Variants in RGS7 observed in about 807,000 individuals in gnomAD.
The protein encoded by RGS7 is regulator of G protein signaling 7, also known as regulator of G-protein signaling 7.
In RGS7, 27 loss-of-function variants were observed where a neutral mutation model predicts 81.1. The ratio of observed to expected loss-of-function variants is 0.33; its 90% CI spans 0.25 to 0.46. The LOEUF is 0.46. Ranked by LOEUF, RGS7 falls within the 20% of genes least tolerant of loss-of-function variation. The pLI is 1.00. For synonymous variants in RGS7, 208 were observed against 207.7 expected (o/e 1.00, Z -0.01); for missense variants, 396 against 607.4 (o/e 0.65, Z 3.66).
intron 3 of RGS7, among the ~76,000 whole-genome samples, chr1:241,055,600 G>A (rs1045838018): frequency 2.0e-5 from 3 of 152,178 alleles, no homozygotes; most frequent in African/African-American, 4.8e-5. Flanking sequence ...GAGACAGGCA[G>A]GAAGGGGCAT....
At chr1:241,312,696 CACA>C (rs1375926325) in intron 2 of RGS7, among the ~76,000 whole-genome samples, 2 of 152,102 alleles carry the variant, frequency 1.3e-5, no homozygotes, top group African/African-American at 2.4e-5. Flanking sequence ...TTCCCTGAGA[CACA>C]ACAACATTAA....
Position 241,325,414 on chromosome 1 carries a change from A to G in RGS7, c.78+30285T>C, listed in dbSNP as rs1423949584. The stretch of plus-strand genomic sequence containing the variant: ...ATCTGCAGTTTGGCTCTCCACAGTT[A>G]CTCACGCTAAGCTATAAACATAAAA... On this transcript the variant is annotated intron_variant, in intron 2 of 18. Coordinates refer to ENST00000440928, the MANE Select transcript of RGS7 (RefSeq NM_001364886.1). Among the ~76,000 whole-genome samples the G allele has an allele frequency of 2.0e-5, 3 of 152,172 alleles. No homozygotes were observed. The East Asian group carries it at 5.8e-4, about 29-fold the overall frequency.
intron 2 of RGS7, among the ~76,000 whole-genome samples, chr1:241,347,243 A>T (rs989832177): frequency 6.6e-6 from 1 of 152,144 alleles, no homozygotes; most frequent in Non-Finnish European, 1.5e-5. Flanking sequence ...GCAGAGGAAG[A>T]CTTGGTCAGG....
intron 9 of RGS7, among the ~76,000 whole-genome samples, chr1:240,857,164 T>G (rs1218479193): frequency 6.6e-6 from 1 of 152,226 alleles, no homozygotes; most frequent in Non-Finnish European, 1.5e-5. Flanking sequence ...TATACTCTCC[T>G]ATGATGTGCC....
Position 241,129,232 on chromosome 1 carries a change from T to A in RGS7, c.79-30470A>T, listed in dbSNP as rs375132722. Among the ~76,000 whole-genome samples the A allele has an allele frequency of 1.4e-4, 21 of 150,882 alleles. No individual in the cohort carries two copies. The East Asian group carries it at 3.3e-3, about 24-fold the overall frequency. On this transcript the variant is annotated intron_variant, in intron 2 of 18. Transcript: ENST00000440928. ...GACCTTGCGTGTTTAAGTGTACCACTGAGGGGATATTGGCTACTAGAAACA... is the reference window on the plus strand; with the variant it reads ...GACCTTGCGTGTTTAAGTGTACCACAGAGGGGATATTGGCTACTAGAAACA...
intron 3 of RGS7, among the ~76,000 whole-genome samples, chr1:241,091,801 T>G (rs190757746): frequency 2.6e-5 from 4 of 151,966 alleles, no homozygotes; most frequent in African/African-American, 9.7e-5. Flanking sequence ...GCAGGAAGAT[T>G]GCTTGAGCCC....
At chr1:241,327,491 C>T (rs1246978779) in intron 2 of RGS7, among the ~76,000 whole-genome samples, 1 of 152,088 alleles carries the variant, frequency 6.6e-6, no homozygotes, top group Non-Finnish European at 1.5e-5. Context: ...CATAATTCAA[C>T]CAAGTATAGG....
intron 2 of RGS7, among the ~76,000 whole-genome samples, chr1:241,318,295 A>G (rs1183724240): frequency 6.6e-6 from 1 of 152,256 alleles, no homozygotes; most frequent in Non-Finnish European, 1.5e-5. Flanking sequence ...CACATTAAAT[A>G]TAAAATGAGA....
rs79252248 is a variant in RGS7, at chr1:241,156,169, G to C, written c.79-57407C>G. Among the ~76,000 whole-genome samples, 788 of 142,848 alleles carry C rather than the reference G, an allele frequency of 5.5e-3. 8 individuals are homozygous for C. The highest frequency in any genetic ancestry group is 0.018 in the African/African-American group (715 of 39,968). The allele number at this position is 142,848 out of a possible 152,430, so 93.7% of individuals were successfully genotyped here. A position where few individuals can be genotyped will look rare whatever the true frequency, so the allele number is the denominator to read the frequency against. ...AGATAGATAGATAGATAGATAGATA[G>C]ATACATATACATAGACAGACAGACA... On this transcript the variant is annotated intron_variant, in intron 2 of 18. Transcript: ENST00000440928.
In RGS7 at chr1:240,793,498, G is replaced by A. The variant is rs1032959149; in HGVS notation, c.*6+7143C>T. Among the ~76,000 whole-genome samples, 8 of 150,200 alleles carry A rather than the reference G, an allele frequency of 5.3e-5. 1 individual carries two copies. The highest frequency in any genetic ancestry group is 1.2e-4 in the Non-Finnish European group (8 of 67,892). On this transcript the variant is annotated intron_variant, in intron 18 of 18. Transcript: ENST00000440928. ...CGAGAAAATAGTTCATCTTTGAGCA[G>A]ACACATTTCATATGCTTGCTGGTAA...
chr1:241,299,595 C>CT (rs1426082678), intron 2 of RGS7, among the ~76,000 whole-genome samples: 5 of 151,738 alleles, frequency 3.3e-5, no homozygotes, highest in African/African-American at 1.2e-4. Context: ...TATCCAGCAT[C>CT]TTTTGCAAGA....
intron 4 of RGS7, among the ~76,000 whole-genome samples, chr1:240,937,568 T>A (rs368623908): frequency 6.6e-6 from 1 of 152,302 alleles, no homozygotes; most frequent in East Asian, 1.9e-4. Context: ...ATCTGTAGAG[T>A]ATGTCTCCCT....
At chr1:241,328,167 C>A (rs1390926054) in intron 2 of RGS7, among the ~76,000 whole-genome samples, 1 of 152,186 alleles carries the variant, frequency 6.6e-6, no homozygotes, top group African/African-American at 2.4e-5. Flanking sequence ...AAAAAGGTCT[C>A]ACCCAAGTTT....
At chr1:240,803,944 C>T (rs1688420545) in intron 15 of RGS7, among the ~76,000 whole-genome samples, 1 of 151,912 alleles carries the variant, frequency 6.6e-6, no homozygotes, top group African/African-American at 2.4e-5. Flanking sequence ...TTTGAAGTTA[C>T]TTTAAATTCA....
intron 4 of RGS7, among the ~76,000 whole-genome samples, chr1:240,938,432 G>A (rs1370307960): frequency 6.6e-6 from 1 of 152,128 alleles, no homozygotes; most frequent in African/African-American, 2.4e-5. Context: ...ACCATGGGGA[G>A]CTTTTACACC....
chr1:241,172,484 G>C (rs2070804135), intron 2 of RGS7, among the ~76,000 whole-genome samples: 1 of 152,106 alleles, frequency 6.6e-6, no homozygotes, highest in Non-Finnish European at 1.5e-5. Context: ...AACAGCTATT[G>C]GAATTTATAC....
In RGS7 at chr1:240,857,266, G is replaced by A. The variant is rs73116043; in HGVS notation, c.609+11321C>T. On this transcript the variant is annotated intron_variant, in intron 9 of 18. Transcript: ENST00000440928. ...GAGTAGTTTAGGTTTACAGAAAATT[G>A]AGTACAGAGAACAGAGAATTCCCGT... is the stretch of plus-strand genomic sequence containing the variant. Among the ~76,000 whole-genome samples the A allele has an allele frequency of 7.0e-3, 1,070 of 151,926 alleles. 17 individuals are homozygous for A. The highest frequency in any genetic ancestry group is 0.025 in the African/African-American group (1,027 of 41,410).
At chr1:240,815,862 T>G (rs911542206) in intron 11 of RGS7, among the ~76,000 whole-genome samples, 2 of 152,200 alleles carry the variant, frequency 1.3e-5, no homozygotes, top group African/African-American at 4.8e-5. Context: ...AAGAAAAAAC[T>G]TCAAGAGGTA....
intron 2 of RGS7, among the ~76,000 whole-genome samples, chr1:241,286,850 T>C (rs2078838627): frequency 6.6e-6 from 1 of 152,188 alleles, no homozygotes; most frequent in South Asian, 2.1e-4. Context: ...TTCTGTCTGG[T>C]GGCCTACACC....
Sources: allele counts gnomAD v4.1 joint callset (sites outside exome capture counted in the v4.1 genomes callset), GRCh38; gene constraint gnomAD v4.1.1; transcripts MANE v1.5; gene names NCBI Gene and HGNC (gene_info 2026-07-23, HGNC 2026-07-21).